Variants in EPHA5 observed in about 807,000 individuals in gnomAD.
EPHA5 encodes the protein EPH receptor A5.
EPHA5 carries 60 observed loss-of-function variants against 105.0 expected under a neutral mutation model. The observed-to-expected ratio is 0.57, with a 90% confidence interval of 0.46 to 0.71. The LOEUF is 0.71. EPHA5 is among the 30% of genes least tolerant of loss of function. The pLI is 0.00. For missense variants in EPHA5, 1,218 were observed against 1,274.7 expected (o/e 0.96, Z 0.68); for synonymous variants, 513 against 449.1 (o/e 1.14, Z -1.80).
At chr4:65,478,072 C>A (rs1346994935) in intron 5 of EPHA5, among the ~76,000 whole-genome samples, 2 of 152,204 alleles carry the variant, frequency 1.3e-5, no homozygotes, top group African/African-American at 2.4e-5. Context: ...AGAATCCCAT[C>A]TTTGAACTGT....
At chr4:65,524,025 T>A (rs531693496) in intron 3 of EPHA5, among the ~76,000 whole-genome samples, 1 of 151,962 alleles carries the variant, frequency 6.6e-6, no homozygotes, top group Non-Finnish European at 1.5e-5. Flanking sequence ...TGGTCTCTCC[T>A]TCCAAGCAGT....
In EPHA5 at chr4:65,507,500, C is replaced by A. The variant is rs182005041; in HGVS notation, c.911-11957G>T. The stretch of plus-strand genomic sequence containing the variant: ...GATATTGATGCTTCCTACCCATGAG[C>A]ATGGAATGTTCTTCCATTTGTTTGT... On this transcript the variant is annotated intron_variant, in intron 3 of 16. Transcript: ENST00000613740. Among the ~76,000 whole-genome samples the A allele has an allele frequency of 6.1e-3, 936 of 152,274 alleles. 37 individuals carry two copies. The highest frequency in any genetic ancestry group is 0.058 in the Admixed American group (879 of 15,284).
chr4:65,343,065 T>C (rs770030647), intron 14 of EPHA5, among the ~76,000 whole-genome samples: 1 of 152,172 alleles, frequency 6.6e-6, no homozygotes, highest in Non-Finnish European at 1.5e-5. Flanking sequence ...GTGCAATCTA[T>C]GTACTTAGTA....
Position 65,377,152 on chromosome 4 carries a change from C to T in EPHA5, c.1794-9728G>A, listed in dbSNP as rs1719093717. 5 of 1,257,698 alleles carry T rather than the reference C, an allele frequency of 4.0e-6. 1 individual carries two copies. The South Asian group carries it at 1.1e-4, about 28-fold the overall frequency. 77.9% of individuals were successfully genotyped at this position (1,257,698 alleles called of 1,614,324 possible). A position where few individuals can be genotyped will look rare whatever the true frequency, so the allele number is the denominator to read the frequency against. Reference sequence around the variant, plus strand: ...AGACACTATGAATTTACTCAGGTGTCTGCTTTCCTTTTCAAAATCAAAAAC... The same window carrying T: ...AGACACTATGAATTTACTCAGGTGTTTGCTTTCCTTTTCAAAATCAAAAAC... On this transcript the variant is annotated intron_variant, in intron 8 of 16. Coordinates refer to ENST00000613740, the MANE Select transcript of EPHA5 (RefSeq NM_001281766.3).
chr4:65,376,963 A>C (rs1405059044), intron 8 of EPHA5: 1 of 1,560,350 alleles, frequency 6.4e-7, no homozygotes, highest in Admixed American at 1.8e-5. Flanking sequence ...ATAGGTGGAC[A>C]TCACATAGGA....
intron 8 of EPHA5, among the ~76,000 whole-genome samples, chr4:65,383,449 C>T (rs1213290782): frequency 6.6e-6 from 1 of 151,778 alleles, no homozygotes; most frequent in Non-Finnish European, 1.5e-5. Flanking sequence ...ATCACCACTG[C>T]TACCACCATT....
intron 6 of EPHA5, 46 bp downstream of exon 6, chr4:65,420,395 G>GAAA (rs138755728): frequency 3.1e-6 from 4 of 1,273,274 alleles, no homozygotes; most frequent in African/African-American, 1.6e-5. Context: ...TTGCTAAAAT[G>GAAA]AAAAAAAAAA....
At chr4:65,448,459 C>A (rs1726770816) in intron 5 of EPHA5, among the ~76,000 whole-genome samples, 2 of 152,082 alleles carry the variant, frequency 1.3e-5, no homozygotes, top group South Asian at 4.1e-4. Flanking sequence ...AGTAGCCTGG[C>A]CAATATGGCG....
At chr4:65,588,562 C>T (rs561341320) in intron 3 of EPHA5, among the ~76,000 whole-genome samples, 8 of 152,096 alleles carry the variant, frequency 5.3e-5, no homozygotes, top group Admixed American at 6.5e-5. Flanking sequence ...TACCAGAAGT[C>T]GGATTTTTCA....
chr4:65,321,985 A>C lies in EPHA5; in HGVS notation c.*2129T>G, dbSNP rs535410557. On this transcript the variant is annotated 3_prime_UTR_variant, in exon 17 of 17. Transcript: ENST00000613740. ...GCCACATAATCATCATTTATTTTGT[A>C]CAAAAGTAATTTGTTTCATTAATTT... The C allele has an allele frequency of 4.4e-6, 1 of 226,098 alleles. No individual in the cohort carries two copies. Among genetic ancestry groups the C allele is most frequent in the African/African-American group, 2.2e-5 (1 of 45,074 alleles). The allele number at this position is 226,098 out of a possible 1,614,324, so 14.0% of individuals were successfully genotyped here. A position where few individuals can be genotyped will look rare whatever the true frequency, so the allele number is the denominator to read the frequency against.
chr4:65,433,502 A>T (rs1160106735), intron 5 of EPHA5, among the ~76,000 whole-genome samples: 1 of 152,166 alleles, frequency 6.6e-6, no homozygotes, highest in East Asian at 1.9e-4. Context: ...ATTCACCCAG[A>T]AACTCAGATA....
chr4:65,487,727 C>T (rs762299526), intron 5 of EPHA5, among the ~76,000 whole-genome samples: 1 of 152,120 alleles, frequency 6.6e-6, no homozygotes, highest in Non-Finnish European at 1.5e-5. Flanking sequence ...AGACTCCTGC[C>T]CACCAAACTA....
At chr4:65,441,998 A>C (rs2149087610) in intron 5 of EPHA5, among the ~76,000 whole-genome samples, 1 of 152,290 alleles carries the variant, frequency 6.6e-6, no homozygotes, top group Admixed American at 6.5e-5. Context: ...CCAAATAACC[A>C]AAAGACTTAG....
intron 6 of EPHA5, among the ~76,000 whole-genome samples, chr4:65,417,053 A>C (rs1404510707): frequency 6.6e-6 from 1 of 152,230 alleles, no homozygotes; most frequent in Non-Finnish European, 1.5e-5. Flanking sequence ...CACTGTTCAC[A>C]TGCAGTGAGG....
Position 65,369,524 on chromosome 4 carries a change from G to A in EPHA5, c.1794-2100C>T, listed in dbSNP as rs184653054. Among the ~76,000 whole-genome samples, 1,221 of 152,104 alleles carry A rather than the reference G, an allele frequency of 8.0e-3. 13 individuals carry two copies. The highest frequency in any genetic ancestry group is 0.028 in the African/African-American group (1,144 of 41,484). On this transcript the variant is annotated intron_variant, in intron 8 of 16. Coordinates refer to ENST00000613740, the MANE Select transcript of EPHA5 (RefSeq NM_001281766.3). ...TTTCTATTACACATGTACTAACAGA[G>A]ACTTTTCATTACATATTCTAGGATA...
chr4:65,573,002 G>T (rs1740364396), intron 3 of EPHA5, among the ~76,000 whole-genome samples: 1 of 152,034 alleles, frequency 6.6e-6, no homozygotes, highest in African/African-American at 2.4e-5. Flanking sequence ...TTGCACTCAA[G>T]CCCGGGCAAC....
chr4:65,465,060 G>A (rs1014404883), intron 5 of EPHA5, among the ~76,000 whole-genome samples: 8 of 152,010 alleles, frequency 5.3e-5, no homozygotes, highest in African/African-American at 1.9e-4. Flanking sequence ...GAAATTTCCA[G>A]AAAATTGAAA....
intron 2 of EPHA5, among the ~76,000 whole-genome samples, chr4:65,606,144 C>T (rs186598766): frequency 1.8e-4 from 28 of 152,192 alleles, no homozygotes; most frequent in African/African-American, 4.1e-4. Context: ...TTTTTCCAGA[C>T]GTCATGTAAC....
chr4:65,454,957 A>G (rs1245185067), intron 5 of EPHA5, among the ~76,000 whole-genome samples: 1 of 152,122 alleles, frequency 6.6e-6, no homozygotes, highest in African/African-American at 2.4e-5. Flanking sequence ...TATGAAAATT[A>G]TATTTCTGCT....
Sources: allele counts gnomAD v4.1 joint callset (sites outside exome capture counted in the v4.1 genomes callset), GRCh38; gene constraint gnomAD v4.1.1; transcripts MANE v1.5; gene names NCBI Gene and HGNC (gene_info 2026-07-23, HGNC 2026-07-21).